Variants in ABCA8 observed in about 807,000 individuals in gnomAD.
ABCA8 encodes the protein ABC-type organic anion transporter ABCA8.
ABCA8 carries 177 observed loss-of-function variants against 192.3 expected under a neutral mutation model. The observed-to-expected ratio is 0.92, with a 90% CI of 0.81 to 1.04. The LOEUF is 1.04. ABCA8 is among the 50% of genes least tolerant of loss of function. ABCA8 has a pLI of 0.00. For missense variants in ABCA8, 1,915 were observed against 1,904.8 expected, an observed-to-expected ratio of 1.01 and a Z score of -0.10; for synonymous variants, 642 against 690.2, an observed-to-expected ratio of 0.93 and a Z score of 1.09.
rs1244088888 is a variant in ABCA8, at chr17:68,918,516, TC to T, written c.1818del (p.Met606IlefsTer12). 6.6e-7 allele frequency: 1 copy of T among 1,520,530 alleles called. No individual in the cohort carries two copies. The highest frequency in any genetic ancestry group is 2.4e-5 in the East Asian group (1 of 41,230). The allele number at this position is 1,520,530 out of a possible 1,614,324, so 94.2% of individuals were successfully genotyped here. A position where few individuals can be genotyped will look rare whatever the true frequency, so the allele number is the denominator to read the frequency against. On this transcript the variant is annotated frameshift_variant, in exon 15 of 40. Transcript: ENST00000586539. LOFTEE classifies it high-confidence loss of function. ...TGAGCAAGAACATCCTGAATATTTT[TC>T]ATTTCCAATTCCAGCAGAACCCTTT... ...EIQRVLLELEMKNIQDVLAQN... is the reference protein window; with the variant it reads ...EIQRVLLELEXKNIQDVLAQN...
chr17:68,944,259 C>T (rs183655330), intron 2 of ABCA8, among the ~76,000 whole-genome samples: 1 of 137,446 alleles, frequency 7.3e-6, no homozygotes, highest in East Asian at 2.3e-4. Flanking sequence ...CACCATGACA[C>T]ATGTATATCT....
At chr17:68,869,619 C>A in intron 38 of ABCA8, 81 bp downstream of exon 38, 1 of 1,026,800 alleles carries the variant, frequency 9.7e-7, no homozygotes, top group Non-Finnish European at 1.5e-6. Context: ...TGTCACATTT[C>A]ATTTTTGTCA....
intron 3 of ABCA8, among the ~76,000 whole-genome samples, chr17:68,941,587 T>C (rs2068231296): frequency 1.3e-5 from 2 of 152,122 alleles, no homozygotes; most frequent in Non-Finnish European, 2.9e-5. Flanking sequence ...AGTTACCCAT[T>C]GTGGTGGGTT....
In ABCA8 at chr17:68,941,353, C is replaced by T. The variant is rs540340586; in HGVS notation, c.97-391G>A. Among the ~76,000 whole-genome samples the T allele has an allele frequency of 1.8e-4, 27 of 152,108 alleles. No individual in the cohort carries two copies. The East Asian group carries it at 2.7e-3, about 15-fold the overall frequency. ...CATGATCTTAGGGGAAAAAACTTTA[C>T]GATGTATGTATAGTGGAATTCCAAT... is the stretch of plus-strand genomic sequence containing the variant. On this transcript the variant is annotated intron_variant, in intron 3 of 39. Transcript: ENST00000586539.
chr17:68,907,537 C>T (rs755697457), intron 18 of ABCA8, among the ~76,000 whole-genome samples: 2 of 152,092 alleles, frequency 1.3e-5, no homozygotes, highest in Non-Finnish European at 1.5e-5. Context: ...CTAAAATGCC[C>T]AGGCATTACA....
rs371323820 is a variant in ABCA8, at chr17:68,896,272, C to G, written c.2765-1259G>C. Among the ~76,000 whole-genome samples, 4 of 152,232 alleles carry G rather than the reference C, an allele frequency of 2.6e-5. No individual in the cohort carries two copies. In the East Asian group the frequency reaches 7.7e-4, roughly 29 times the overall value. On this transcript the variant is annotated intron_variant, in intron 21 of 39. Transcript: ENST00000586539. ...CCAGCTAAAAGTTTACTAGAGAGAG[C>G]AGCAAAACAGAGAGTTAAGAAGAGC...
intron 2 of ABCA8, chr17:68,944,383 C>CA (rs1237969447): frequency 8.7e-6 from 1 of 115,374 alleles, no homozygotes; most frequent in African/African-American, 3.2e-5. Context: ...CATATGCAAA[C>CA]AAGAGACCTG....
intron 26 of ABCA8, among the ~76,000 whole-genome samples, chr17:68,885,731 G>A (rs551820681): frequency 1.2e-4 from 18 of 152,084 alleles, no homozygotes; most frequent in African/African-American, 3.9e-4. Context: ...TGTATTTTTA[G>A]TAGAGATGGG....
intron 2 of ABCA8, among the ~76,000 whole-genome samples, chr17:68,946,941 AAGAAAGAG>A (rs1210934395): frequency 1.0e-5 from 1 of 98,866 alleles, no homozygotes; most frequent in Non-Finnish European, 2.1e-5. Flanking sequence ...ACTCCATCAA[AAGAAAGAG>A]AGAGAGAGAG....
chr17:68,917,269 A>G, intron 17 of ABCA8, 92 bp downstream of exon 17: 1 of 782,224 alleles, frequency 1.3e-6, no homozygotes, highest in Non-Finnish European at 2.0e-6. Flanking sequence ...AAAAATAACA[A>G]TAATACAAAT....
At chr17:68,875,575 C>T in intron 36 of ABCA8, 39 bp downstream of exon 36, 1 of 1,606,238 alleles carries the variant, frequency 6.2e-7, no homozygotes, top group East Asian at 2.2e-5. Flanking sequence ...TCCAGCAATG[C>T]ACCTTGGGCT....
At chr17:68,892,286 A>G (rs1377058680) in intron 23 of ABCA8, among the ~76,000 whole-genome samples, 1 of 152,190 alleles carries the variant, frequency 6.6e-6, no homozygotes, top group African/African-American at 2.4e-5. Context: ...GTCACCAGAA[A>G]GACACTTGCT....
chr17:68,918,018 C>A, intron 16 of ABCA8, 29 bp downstream of exon 16: 1 of 1,612,976 alleles, frequency 6.2e-7, no homozygotes, highest in South Asian at 1.1e-5. Context: ...AAGTCCTCCT[C>A]AGGATACTTA....
Position 68,941,983 on chromosome 17 carries a change from TG to T in ABCA8, c.51del (p.Cys17Ter). ...ATTCTCCATTTTTTAAGAAAGTTCT[TG>T]CATAATAAGGCCCAAGTTTGTTGAC... Reference protein sequence around the residue: ...SVCQQTWALLCKNFLKKWRMK... With the variant: ...SVCQQTWALLXKNFLKKWRMK... On this transcript the variant is annotated frameshift_variant, in exon 3 of 40. Transcript: ENST00000586539. LOFTEE classifies it high-confidence loss of function. 1.2e-6 allele frequency: 2 copies of T among 1,613,436 alleles called. No individual in the cohort carries two copies. The highest frequency in any genetic ancestry group is 1.7e-6 in the Non-Finnish European group (2 of 1,179,532).
intron 19 of ABCA8, among the ~76,000 whole-genome samples, chr17:68,904,626 T>C (rs1184244629): frequency 6.6e-6 from 1 of 152,268 alleles, no homozygotes; most frequent in Non-Finnish European, 1.5e-5. Context: ...TGGGCTGATA[T>C]AACTGACTAG....
Position 68,918,210 on chromosome 17 carries a change from G to C in ABCA8, c.1909-25C>G, listed in dbSNP as rs2067432167. ...TCTATAAACGAGGAAAGTATATAAG[G>C]CGGTTTTCCTCAAAGGTGAAGTTCT... On this transcript the variant is annotated intron_variant, in intron 15 of 39. Transcript: ENST00000586539. 3.1e-6 allele frequency: 5 copies of C among 1,612,378 alleles called. No homozygotes were observed. The South Asian group carries it at 4.4e-5, about 14-fold the overall frequency.
chr17:68,869,962 G>C (rs980423593), intron 37 of ABCA8, among the ~76,000 whole-genome samples, 183 bp from the exon 38 acceptor site: 1 of 152,000 alleles, frequency 6.6e-6, no homozygotes, highest in African/African-American at 2.4e-5. Context: ...GAGTATGTAG[G>C]GTCCCCCAGT....
intron 3 of ABCA8, 116 bp from the exon 4 acceptor site, chr17:68,941,078 T>G (rs1356883580): frequency 1.3e-6 from 1 of 741,276 alleles, no homozygotes; most frequent in Non-Finnish European, 2.2e-6. Context: ...ATATCCCATA[T>G]TATAAACTGT....
At chr17:68,913,833 A>T (rs888739865) in intron 17 of ABCA8, among the ~76,000 whole-genome samples, 3 of 152,098 alleles carry the variant, frequency 2.0e-5, no homozygotes, top group African/African-American at 7.2e-5. Flanking sequence ...TCTGAAAAAT[A>T]GAGGAGGAGA....
Sources: allele counts gnomAD v4.1 joint callset (sites outside exome capture counted in the v4.1 genomes callset), GRCh38; gene constraint gnomAD v4.1.1; transcripts MANE v1.5; gene names NCBI Gene and HGNC (gene_info 2026-07-23, HGNC 2026-07-21).